The following EXOC6B variants were observed in gnomAD, a reference collection of about 807,000 sequenced individuals.
The protein encoded by EXOC6B is exocyst complex component 6B, also known as SEC15 homolog B.
A neutral mutation model predicts 113.5 loss-of-function variants in EXOC6B; 54 were observed. The ratio of observed to expected loss-of-function variants is 0.48; its 90% CI spans 0.38 to 0.60. The LOEUF is 0.60. EXOC6B is among the 20% of genes least tolerant of loss of function. The pLI is 0.00. For synonymous variants in EXOC6B, 357 were observed against 339.0 expected (o/e 1.05, Z -0.58); for missense variants, 797 against 977.5 (o/e 0.82, Z 2.46).
chr2:72,771,834 T>G (rs1341519487), intron 1 of EXOC6B, among the ~76,000 whole-genome samples: 1 of 151,782 alleles, frequency 6.6e-6, no homozygotes, highest in African/African-American at 2.4e-5. Flanking sequence ...AGAGGAAAAA[T>G]AAAAATTACT....
At chr2:72,705,178 G>T (rs549306881) in intron 6 of EXOC6B, among the ~76,000 whole-genome samples, 18 of 151,958 alleles carry the variant, frequency 1.2e-4, no homozygotes, top group African/African-American at 3.9e-4. Context: ...TTCAATATAC[G>T]CAAATCAATA....
intron 6 of EXOC6B, among the ~76,000 whole-genome samples, chr2:72,694,447 A>G (rs1677721622): frequency 1.3e-5 from 2 of 152,206 alleles, no homozygotes; most frequent in Admixed American, 6.5e-5. Flanking sequence ...GTCTCAAAAA[A>G]ATAAAAAATA....
chr2:72,232,431 C>T (rs935761934), intron 20 of EXOC6B, among the ~76,000 whole-genome samples: 10 of 152,140 alleles, frequency 6.6e-5, no homozygotes, highest in Admixed American at 2.6e-4. Context: ...ATTAAACATT[C>T]ACATAGTTTA....
intron 1 of EXOC6B, among the ~76,000 whole-genome samples, chr2:72,790,898 C>T (rs750491329): frequency 6.6e-6 from 1 of 151,952 alleles, no homozygotes; most frequent in Non-Finnish European, 1.5e-5. Flanking sequence ...AAAAATTGAA[C>T]TCAGAAGTAG....
intron 18 of EXOC6B, among the ~76,000 whole-genome samples, chr2:72,451,389 T>A (rs1273574616): frequency 6.6e-6 from 1 of 152,078 alleles, no homozygotes; most frequent in East Asian, 1.9e-4. Context: ...AAAGGCAACT[T>A]AAGTAAAAAC....
At chr2:72,625,363 T>C (rs1671992261) in intron 6 of EXOC6B, among the ~76,000 whole-genome samples, 1 of 152,092 alleles carries the variant, frequency 6.6e-6, no homozygotes, top group East Asian at 1.9e-4. Flanking sequence ...GAAATAGTCT[T>C]TTCATATTTG....
At chr2:72,426,792 T>A (rs1462424623) in intron 18 of EXOC6B, among the ~76,000 whole-genome samples, 1 of 152,238 alleles carries the variant, frequency 6.6e-6, no homozygotes, top group African/African-American at 2.4e-5. Flanking sequence ...CTAACTTTAA[T>A]TTAGTTCAAA....
chr2:72,345,327 T>A (rs1689266671), intron 19 of EXOC6B, among the ~76,000 whole-genome samples: 1 of 152,124 alleles, frequency 6.6e-6, no homozygotes, highest in Non-Finnish European at 1.5e-5. Context: ...CTGCATTGCT[T>A]GGTATTACTC....
At chr2:72,497,754 G>C (rs1302984687) in intron 13 of EXOC6B, among the ~76,000 whole-genome samples, 1 of 152,140 alleles carries the variant, frequency 6.6e-6, no homozygotes, top group African/African-American at 2.4e-5. Context: ...ACTGATCAGG[G>C]AAAGGGGTCT....
chr2:72,596,581 A>C (rs1670088022), intron 6 of EXOC6B, among the ~76,000 whole-genome samples: 3 of 152,032 alleles, frequency 2.0e-5, no homozygotes, highest in Non-Finnish European at 1.5e-5. Context: ...GAAAAACATA[A>C]AGGAAGAAAA....
At chr2:72,783,186 G>A (rs990408669) in intron 1 of EXOC6B, among the ~76,000 whole-genome samples, 1 of 142,934 alleles carries the variant, frequency 7.0e-6, no homozygotes, top group African/African-American at 2.5e-5. Flanking sequence ...GTTTGTTGGG[G>A]TTTTTTTTTT....
chr2:72,521,167 C>T (rs1486992385), intron 8 of EXOC6B, among the ~76,000 whole-genome samples: 1 of 152,146 alleles, frequency 6.6e-6, no homozygotes, highest in African/African-American at 2.4e-5. Context: ...TGCACCCTCC[C>T]ATCTCTTCTG....
At chr2:72,518,611 AG>A (rs1190956126) in intron 8 of EXOC6B, among the ~76,000 whole-genome samples, 2 of 152,048 alleles carry the variant, frequency 1.3e-5, no homozygotes, top group Admixed American at 6.6e-5. Context: ...AGCCAGAAAG[AG>A]AGAAAGGGAA....
At chr2:72,628,087 A>T (rs1308980645) in intron 6 of EXOC6B, among the ~76,000 whole-genome samples, 1 of 152,124 alleles carries the variant, frequency 6.6e-6, no homozygotes, top group East Asian at 1.9e-4. Context: ...AAGTTTTTAT[A>T]GAGATGCTTT....
At chr2:72,239,001 G>A (rs1177258741) in intron 20 of EXOC6B, among the ~76,000 whole-genome samples, 1 of 151,986 alleles carries the variant, frequency 6.6e-6, no homozygotes, top group East Asian at 1.9e-4. Flanking sequence ...CAGGCTCAGG[G>A]GATCCTCCCA....
At chr2:72,241,987 G>T (rs1037501836) in intron 20 of EXOC6B, among the ~76,000 whole-genome samples, 2 of 152,072 alleles carry the variant, frequency 1.3e-5, no homozygotes, top group East Asian at 3.9e-4. Flanking sequence ...TGGGAGGATT[G>T]CTTGAGCCCA....
chr2:72,538,361 G>C (rs1248526576), intron 8 of EXOC6B, among the ~76,000 whole-genome samples: 1 of 152,092 alleles, frequency 6.6e-6, no homozygotes, highest in Non-Finnish European at 1.5e-5. Context: ...TATAATGTAA[G>C]ACACAAATAT....
At chr2:72,259,825 CAGAT>C (rs144728471) in intron 20 of EXOC6B, among the ~76,000 whole-genome samples, 35,558 of 151,794 alleles carry the variant, frequency 0.23, 7,312 homozygotes, top group African/African-American at 0.56. Flanking sequence ...CTGAGGCAGA[CAGAT>C]AGCTTGAACC....
chr2:72,432,318 T>C (rs1282899305), intron 18 of EXOC6B, among the ~76,000 whole-genome samples: 1 of 152,192 alleles, frequency 6.6e-6, no homozygotes, highest in East Asian at 1.9e-4. Flanking sequence ...CTTTATCCAG[T>C]CTATCACTGA....
Sources: gnomAD v4.1 joint callset for allele counts (sites outside exome capture counted in the v4.1 genomes callset) on GRCh38, gnomAD v4.1.1 for gene constraint, MANE v1.5 for transcripts, NCBI Gene and HGNC (gene_info 2026-07-23, HGNC 2026-07-21) for gene names.